Variants in ANKRD27 observed in about 807,000 individuals in gnomAD.
The protein encoded by ANKRD27 is ankyrin repeat domain-containing protein 27.
In ANKRD27, 112 loss-of-function variants were observed where a neutral mutation model predicts 129.7. The observed-to-expected ratio is 0.86, with a 90% CI of 0.74 to 1.01. ANKRD27 has a LOEUF of 1.01. ANKRD27 is among the 50% of genes least tolerant of loss of function. The pLI is 0.00. For synonymous variants in ANKRD27, 516 were observed against 511.2 expected (o/e 1.01, Z -0.13); for missense variants, 1,258 against 1,300.5 (o/e 0.97, Z 0.50).
intron 20 of ANKRD27, among the ~76,000 whole-genome samples, chr19:32,618,208 T>C (rs1442252669): frequency 2.0e-5 from 3 of 151,966 alleles, no homozygotes; most frequent in Non-Finnish European, 4.4e-5. Context: ...TATTTATATG[T>C]ATATACATAT....
intron 17 of ANKRD27, among the ~76,000 whole-genome samples, chr19:32,622,923 A>T (rs540031825): frequency 6.7e-6 from 1 of 149,412 alleles, no homozygotes; most frequent in African/African-American, 2.5e-5. Context: ...GACTACAAGC[A>T]TGCACCACCA....
chr19:32,631,300 T>C (rs1966987509), intron 13 of ANKRD27, 102 bp downstream of exon 13: 2 of 1,043,606 alleles, frequency 1.9e-6, no homozygotes, highest in Admixed American at 1.9e-5. Flanking sequence ...ATTATAGGCA[T>C]GAGCCACCAT....
At chr19:32,667,954 A>G (rs900093955) in intron 1 of ANKRD27, among the ~76,000 whole-genome samples, 2 of 152,206 alleles carry the variant, frequency 1.3e-5, no homozygotes, top group African/African-American at 4.8e-5. Context: ...TGATACAATT[A>G]AATGAATGAA....
Position 32,599,555 on chromosome 19 carries a change from A to T in ANKRD27, c.2919+149T>A. 4.4e-6 allele frequency: 3 copies of T among 677,486 alleles called. No homozygotes were observed. In the South Asian group the frequency reaches 5.7e-5, roughly 13 times the overall value. The allele number at this position is 677,486 out of a possible 1,614,324, so 42.0% of individuals were successfully genotyped here. On this transcript the variant is annotated intron_variant, in intron 28 of 28. Coordinates refer to ENST00000306065, the MANE Select transcript of ANKRD27 (RefSeq NM_032139.3). ...TGAAGTCTGTACTCTACACTGTCCC[A>T]TGAAATAATTCCAGTTTTAACTGCT...
chr19:32,605,704 C>T, intron 24 of ANKRD27, 131 bp downstream of exon 24: 1 of 1,266,926 alleles, frequency 7.9e-7, no homozygotes, highest in Non-Finnish European at 1.1e-6. Context: ...CGCCCTGCTC[C>T]TCTCCCCAGA....
intron 12 of ANKRD27, among the ~76,000 whole-genome samples, chr19:32,632,235 G>A (rs113677019): frequency 0.023 from 3,507 of 152,112 alleles, 117 homozygotes; most frequent in African/African-American, 0.063. Flanking sequence ...GTTACAGTGA[G>A]CTGAGATCAC....
At chr19:32,667,048 G>T (rs1967772333) in intron 1 of ANKRD27, among the ~76,000 whole-genome samples, 1 of 152,214 alleles carries the variant, frequency 6.6e-6, no homozygotes, top group African/African-American at 2.4e-5. Context: ...TCTTATGAGG[G>T]TCATTTCCAT....
intron 13 of ANKRD27, among the ~76,000 whole-genome samples, chr19:32,630,287 A>C (rs2145286819): frequency 6.6e-6 from 1 of 152,300 alleles, no homozygotes; most frequent in South Asian, 2.1e-4. Flanking sequence ...GAAGCACAGC[A>C]GCCTCCCCCA....
rs1243072983 is a variant in ANKRD27, at chr19:32,622,789, C to A, written c.1630-170G>T. 3.1e-4 allele frequency among the ~76,000 whole-genome samples: 46 copies of A among 149,572 alleles called. 1 individual carries two copies. Among genetic ancestry groups the A allele is most frequent in the Admixed American group, 3.1e-3 (46 of 15,028 alleles). On this transcript the variant is annotated intron_variant, in intron 17 of 28. Transcript: ENST00000306065. ...TCTCATTCATTTTTTTTTTCTTTTT[C>A]TTTTTTGAGACAGGATCTCTCTCTG...
chr19:32,639,375 C>T lies in ANKRD27; in HGVS notation c.1097G>A (p.Ser366Asn). The change falls in exon 12 of 29, where the codon AGC becomes AAC. Residue 366 changes from serine to asparagine, a missense_variant. Transcript: ENST00000306065. Reference sequence around the variant, plus strand: ...TCTTACAGGGGGTTTAGCAGAGAGGCTTCCTTGCCGAATATATTCAATGGC... The same window carrying T: ...TCTTACAGGGGGTTTAGCAGAGAGGTTTCCTTGCCGAATATATTCAATGGC... ...EAAIEYIRQG[S>N]LSAKPPESEG... 1 of 1,614,158 alleles carries T rather than the reference C, an allele frequency of 6.2e-7. No homozygotes were observed. The highest frequency in any genetic ancestry group is 8.5e-7 in the Non-Finnish European group (1 of 1,179,976).
At chr19:32,608,170 ATTTTTT>A (rs3042665) in intron 22 of ANKRD27, among the ~76,000 whole-genome samples, 1 of 140,228 alleles carries the variant, frequency 7.1e-6, no homozygotes, top group African/African-American at 2.8e-5. Flanking sequence ...TGCCCAGCTA[ATTTTTT>A]TTTTTTTTTT....
At chr19:32,599,889 C>G in intron 27 of ANKRD27, 83 bp downstream of exon 27, 1 of 1,509,028 alleles carries the variant, frequency 6.6e-7, no homozygotes, top group Non-Finnish European at 9.2e-7. Context: ...TGTCCATAAC[C>G]AATTACAATT....
intron 2 of ANKRD27, among the ~76,000 whole-genome samples, chr19:32,656,741 T>C (rs2075392161): frequency 6.6e-6 from 1 of 151,384 alleles, no homozygotes; most frequent in African/African-American, 2.4e-5. Context: ...GCCGTGTTCA[T>C]GTCACTGTAT....
At chr19:32,668,157 C>T (rs557196726) in intron 1 of ANKRD27, among the ~76,000 whole-genome samples, 1 of 152,118 alleles carries the variant, frequency 6.6e-6, no homozygotes, top group African/African-American at 2.4e-5. Context: ...ACTTACTTAC[C>T]TTCATTTATT....
In ANKRD27 at chr19:32,622,473, C is replaced by T. The variant is rs1485360251; in HGVS notation, c.1776G>A (p.Glu592=). ...GCGTCTCCTTCAGTCTGTTCTGGAT[C>T]TCGGTGGACGCTCCGTTCTGCAGCA... ...ETLLQNGAST[E]IQNRLKETPL... is the part of the protein sequence containing the mutation. The change falls in exon 18 of 29, where the codon GAG becomes GAA. Residue 592 remains glutamate (E), a synonymous_variant. Coordinates refer to ENST00000306065, the MANE Select transcript of ANKRD27 (RefSeq NM_032139.3). 1 of 1,613,908 alleles carries T rather than the reference C, an allele frequency of 6.2e-7. No homozygotes were observed. The highest frequency in any genetic ancestry group is 1.7e-5 in the Admixed American group (1 of 60,008).
At chr19:32,661,246 CA>C (rs60996701) in intron 1 of ANKRD27, among the ~76,000 whole-genome samples, 86,114 of 147,260 alleles carry the variant, frequency 0.58, 26,728 homozygotes, top group Non-Finnish European at 0.71. Context: ...CACACACACA[CA>C]CACATATACT....
chr19:32,615,882 C>T, intron 21 of ANKRD27, 102 bp from the exon 22 acceptor site: 1 of 1,487,080 alleles, frequency 6.7e-7, no homozygotes, highest in South Asian at 1.3e-5. Context: ...AGGGCCCACG[C>T]TTCCTTCTCC....
intron 17 of ANKRD27, among the ~76,000 whole-genome samples, chr19:32,623,162 T>C (rs1408858847): frequency 1.4e-5 from 2 of 139,880 alleles, no homozygotes; most frequent in Non-Finnish European, 3.4e-5. Flanking sequence ...CTGTGATGTC[T>C]CCATGTACAG....
intron 3 of ANKRD27, 51 bp downstream of exon 3, chr19:32,649,631 G>A (rs752399111): frequency 3.2e-6 from 4 of 1,255,824 alleles, no homozygotes; most frequent in Non-Finnish European, 3.5e-6. Flanking sequence ...CTCCCCTCTG[G>A]CCCCAAACAC....
Sources: gnomAD v4.1 joint callset for allele counts (sites outside exome capture counted in the v4.1 genomes callset) on GRCh38, gnomAD v4.1.1 for gene constraint, MANE v1.5 for transcripts, NCBI Gene and HGNC (gene_info 2026-07-23, HGNC 2026-07-21) for gene names.